Variants in XKR9 observed in about 807,000 individuals in gnomAD.
XKR9 encodes the protein XK related 9.
In XKR9, 32 loss-of-function variants were observed where a neutral mutation model predicts 32.0. The ratio of observed to expected loss-of-function variants is 1.00; its 90% CI spans 0.76 to 1.34. XKR9 has a LOEUF of 1.34. XKR9 is among the 40% of genes most tolerant of loss of function. XKR9 has a pLI of 0.00. For synonymous variants in XKR9, 168 were observed against 143.4 expected, an observed-to-expected ratio of 1.17 and a Z score of -1.22; for missense variants, 546 against 429.7, an observed-to-expected ratio of 1.27 and a Z score of -2.39.
the XKR9 span, among the ~76,000 whole-genome samples, chr8:70,841,917 C>T: frequency 1.3e-5 from 2 of 152,156 alleles, no homozygotes; most frequent in Non-Finnish European, 2.9e-5. Flanking sequence ...TGTGGAAATA[C>T]TTTGAAACTA....
intron 2 of XKR9, among the ~76,000 whole-genome samples, chr8:70,786,829 G>T (rs1031611919): frequency 6.6e-6 from 1 of 151,980 alleles, no homozygotes; most frequent in Non-Finnish European, 1.5e-5. Flanking sequence ...TGTTGTTTTG[G>T]ATATACATTT....
the XKR9 span, among the ~76,000 whole-genome samples, chr8:71,031,823 C>A: frequency 6.6e-6 from 1 of 152,096 alleles, no homozygotes; most frequent in African/African-American, 2.4e-5. Context: ...GCTTTTTTAT[C>A]ATCACCCTAA....
At chr8:70,725,944 T>C (rs1417115343) in intron 4 of XKR9, among the ~76,000 whole-genome samples, 1 of 151,832 alleles carries the variant, frequency 6.6e-6, no homozygotes, top group African/African-American at 2.4e-5. Flanking sequence ...CAACAAAAAG[T>C]TCATGGAAAA....
At chr8:70,925,868 A>C in the XKR9 span, among the ~76,000 whole-genome samples, 1 of 152,184 alleles carries the variant, frequency 6.6e-6, no homozygotes, top group Non-Finnish European at 1.5e-5. Context: ...TTATAACAAA[A>C]AGTATCTAGT....
chr8:70,881,098 T>TA, the XKR9 span, among the ~76,000 whole-genome samples: 31 of 152,170 alleles, frequency 2.0e-4, no homozygotes, highest in East Asian at 5.0e-3. Context: ...ATCCCTTCCT[T>TA]CACCTTATAC....
At chr8:70,792,066 A>G (rs759276649), downstream of XKR9, among the ~76,000 whole-genome samples, 1 of 152,084 alleles carries the variant, frequency 6.6e-6, no homozygotes, top group Non-Finnish European at 1.5e-5. Context: ...AGGATCAGTT[A>G]TTCGATCTTC....
chr8:70,955,984 A>G, the XKR9 span, among the ~76,000 whole-genome samples: 75 of 152,324 alleles, frequency 4.9e-4, no homozygotes, highest in African/African-American at 1.7e-3. Context: ...ATGCCAGGAA[A>G]TGCAGAGCTC....
the XKR9 span, among the ~76,000 whole-genome samples, chr8:70,887,172 A>G: frequency 6.6e-6 from 1 of 152,178 alleles, no homozygotes; most frequent in Non-Finnish European, 1.5e-5. Context: ...CTATTTGTTA[A>G]ATAAGGAATT....
intron 4 of XKR9, among the ~76,000 whole-genome samples, chr8:70,713,717 G>A (rs1321409374): frequency 6.6e-6 from 1 of 152,122 alleles, no homozygotes; most frequent in Non-Finnish European, 1.5e-5. Context: ...TAAATCAGAT[G>A]GAGAATAAGT....
At chr8:70,694,568 C>A (rs1805193829) in intron 3 of XKR9, among the ~76,000 whole-genome samples, 1 of 152,176 alleles carries the variant, frequency 6.6e-6, no homozygotes, top group Admixed American at 6.5e-5. Flanking sequence ...CTGTGGGAAT[C>A]CCTTCTGCCT....
At chr8:70,949,887 T>C in the XKR9 span, among the ~76,000 whole-genome samples, 12 of 152,192 alleles carry the variant, frequency 7.9e-5, no homozygotes, top group African/African-American at 2.9e-4. Flanking sequence ...ATAATCCTTA[T>C]AGCAATGCTA....
At chr8:70,695,948 A>G (rs1263912635) in intron 3 of XKR9, among the ~76,000 whole-genome samples, 1 of 150,920 alleles carries the variant, frequency 6.6e-6, no homozygotes, top group Non-Finnish European at 1.5e-5. Context: ...GCATTTTTTC[A>G]TGTGTTTTTT....
At chr8:71,043,118 G>T in the XKR9 span, among the ~76,000 whole-genome samples, 4 of 152,184 alleles carry the variant, frequency 2.6e-5, no homozygotes, top group Non-Finnish European at 5.9e-5. Flanking sequence ...ACATTGAGCT[G>T]ATGACCAGGA....
the XKR9 span, among the ~76,000 whole-genome samples, chr8:70,901,437 G>T: frequency 2.6e-5 from 4 of 152,130 alleles, no homozygotes; most frequent in Non-Finnish European, 1.5e-5. Flanking sequence ...TCATGTGTCT[G>T]TTGGCTGCAT....
intron 4 of XKR9, among the ~76,000 whole-genome samples, chr8:70,725,044 G>A (rs984919808): frequency 1.3e-5 from 2 of 152,072 alleles, no homozygotes; most frequent in Non-Finnish European, 1.5e-5. Flanking sequence ...CCTTCTTTAC[G>A]TGGCACCAGG....
At chr8:70,855,116 A>G in the XKR9 span, among the ~76,000 whole-genome samples, 1 of 152,092 alleles carries the variant, frequency 6.6e-6, no homozygotes, top group Non-Finnish European at 1.5e-5. Context: ...CTTGGACAGT[A>G]TGATGGATGG....
intron 4 of XKR9, among the ~76,000 whole-genome samples, chr8:70,724,038 A>G (rs1806372558): frequency 6.6e-6 from 1 of 152,004 alleles, no homozygotes; most frequent in African/African-American, 2.4e-5. Flanking sequence ...TTTTATCCGT[A>G]AGCCCCTGAC....
chr8:70,775,663 T>A (rs1350629037), intron 2 of XKR9, among the ~76,000 whole-genome samples: 2 of 152,168 alleles, frequency 1.3e-5, no homozygotes, highest in Non-Finnish European at 2.9e-5. Flanking sequence ...CATGATGTAT[T>A]ATACCTTTTA....
At chr8:70,775,839 G>T (rs1408843577) in intron 2 of XKR9, among the ~76,000 whole-genome samples, 1 of 151,532 alleles carries the variant, frequency 6.6e-6, no homozygotes, top group Non-Finnish European at 1.5e-5. Flanking sequence ...CGATTTTTTG[G>T]GTTCAAGTGA....
Sources: allele counts gnomAD v4.1 joint callset (sites outside exome capture counted in the v4.1 genomes callset), GRCh38; gene constraint gnomAD v4.1.1; transcripts MANE v1.5; gene names NCBI Gene and HGNC (gene_info 2026-07-23, HGNC 2026-07-21).